The following LRRIQ1 variants were observed in gnomAD, a reference collection of about 807,000 sequenced individuals.
LRRIQ1 encodes the protein leucine-rich repeat- and IQ domain-containing protein 1.
LRRIQ1 carries 210 observed loss-of-function variants against 211.9 expected under a neutral mutation model. The ratio of observed to expected loss-of-function variants is 0.99; its 90% confidence interval spans 0.89 to 1.11. The LOEUF (loss-of-function observed/expected upper bound fraction) is 1.11. Among genes scored for constraint, LRRIQ1 ranks in the 50% most tolerant of loss-of-function variants. The probability of loss-of-function intolerance (pLI) is 0.00; values close to 1 mark genes in which losing one functional copy is unlikely to be tolerated. For synonymous variants in LRRIQ1, 699 were observed against 650.1 expected, an observed-to-expected ratio of 1.08 and a Z score of -1.14; for missense variants, 2,136 against 1,939.5, an observed-to-expected ratio of 1.10 and a Z score of -1.90.
At chr12:85,094,290 C>T (rs1223935618) in intron 11 of LRRIQ1, among the ~76,000 whole-genome samples, 1 of 152,074 alleles carries the variant, frequency 6.6e-6, no homozygotes, top group East Asian at 1.9e-4. Context: ...GCTCAGGGCT[C>T]CCACTGATTC....
At position 85,047,228 on chromosome 12, in the gene LRRIQ1, T is replaced by C; in HGVS notation, c.455-19T>C. 6.5e-7 allele frequency: 1 copy of C among 1,535,202 alleles called. No homozygotes were observed. The highest frequency in any genetic ancestry group is 1.3e-5 in the South Asian group (1 of 79,838). ...TTTGATCTTACAAATGATGATGTTA[T>C]TTTTCTTCATGAGTGCAGATGATGC... On this transcript the variant is annotated intron_variant, in intron 5 of 26. Coordinates refer to ENST00000393217, the MANE Select transcript of LRRIQ1 (RefSeq NM_001079910.2).
At chr12:85,263,441 A>G (rs1355022854) in exon 2 of LRRIQ1, 1 of 152,086 alleles carries the variant, frequency 6.6e-6, no homozygotes, top group African/African-American at 2.4e-5. Flanking sequence ...TAATGTAGCA[A>G]TAATGATTAA....
chr12:85,077,660 AG>A (rs1883805126), intron 11 of LRRIQ1, among the ~76,000 whole-genome samples: 1 of 152,136 alleles, frequency 6.6e-6, no homozygotes, highest in African/African-American at 2.4e-5. Flanking sequence ...TTGTAAAATT[AG>A]GACAGGCATG....
At position 85,202,747 on chromosome 12, in the gene LRRIQ1, C is replaced by T. The variant is rs537084051; in HGVS notation, c.4823-26770C>T. Among the ~76,000 whole-genome samples the T allele has an allele frequency of 5.3e-5, 8 of 152,326 alleles. 1 individual carries two copies. The East Asian group carries it at 1.5e-3, about 29-fold the overall frequency. On this transcript the variant is annotated intron_variant, in intron 24 of 26. Transcript: ENST00000393217. ...TTGCTTCTTTATACAGCTTGCCACT[C>T]TGTGCCATTTGATTGGGGCATTTAG... is the stretch of plus-strand genomic sequence containing the variant.
chr12:85,093,202 AT>A (rs1885563637), intron 11 of LRRIQ1, among the ~76,000 whole-genome samples: 1 of 152,188 alleles, frequency 6.6e-6, no homozygotes, highest in Admixed American at 6.5e-5. Flanking sequence ...GAATAATTAC[AT>A]CTCAGGAGAA....
intron 7 of LRRIQ1, among the ~76,000 whole-genome samples, chr12:85,053,992 A>G (rs544771695): frequency 6.6e-6 from 1 of 152,210 alleles, no homozygotes; most frequent in Non-Finnish European, 1.5e-5. Flanking sequence ...CAGATTTATT[A>G]CCACCCTTAA....
intron 10 of LRRIQ1, among the ~76,000 whole-genome samples, chr12:85,072,151 A>G (rs968968889): frequency 6.6e-6 from 1 of 152,020 alleles, no homozygotes; most frequent in Non-Finnish European, 1.5e-5. Context: ...AACTTGTGAC[A>G]TGTAGATATT....
At chr12:85,230,842 G>T (rs1337107948) in intron 25 of LRRIQ1, among the ~76,000 whole-genome samples, 1 of 151,616 alleles carries the variant, frequency 6.6e-6, no homozygotes, top group South Asian at 2.1e-4. Context: ...GAGGTCAGGA[G>T]ATCGAAACCA....
At chr12:85,214,885 G>A (rs1894004983) in intron 24 of LRRIQ1, among the ~76,000 whole-genome samples, 1 of 152,076 alleles carries the variant, frequency 6.6e-6, no homozygotes, top group South Asian at 2.1e-4. Context: ...ATCGAAAGAT[G>A]TCATAATAGT....
intron 24 of LRRIQ1, among the ~76,000 whole-genome samples, chr12:85,183,567 TA>T: frequency 6.6e-6 from 1 of 152,108 alleles, no homozygotes; most frequent in Middle Eastern, 3.4e-3. Flanking sequence ...TATAAAAATA[TA>T]AAAAGAAAAT....
At chr12:85,158,428 G>A (rs1390189369) in intron 23 of LRRIQ1, among the ~76,000 whole-genome samples, 5 of 151,476 alleles carry the variant, frequency 3.3e-5, no homozygotes, top group African/African-American at 1.2e-4. Context: ...TTTTACACCT[G>A]CAAAAAATGG....
the LRRIQ1 span, among the ~76,000 whole-genome samples, chr12:85,271,829 CT>C: frequency 6.6e-6 from 1 of 152,062 alleles, no homozygotes; most frequent in African/African-American, 2.4e-5. Context: ...ATCATGCTAC[CT>C]TTGCCCAAAA....
intron 26 of LRRIQ1, 126 bp downstream of exon 26, chr12:85,232,882 C>A: frequency 1.5e-6 from 1 of 647,222 alleles, no homozygotes; most frequent in Non-Finnish European, 2.7e-6. Flanking sequence ...GGGATAATAT[C>A]AAAATATCAT....
At chr12:85,140,676 G>T (rs896118947) in intron 19 of LRRIQ1, among the ~76,000 whole-genome samples, 2 of 150,968 alleles carry the variant, frequency 1.3e-5, no homozygotes, top group Non-Finnish European at 3.0e-5. Flanking sequence ...CTTTGTCTCA[G>T]GGTGAAAGCT....
At chr12:85,109,302 G>A (rs1887003754) in intron 15 of LRRIQ1, among the ~76,000 whole-genome samples, 1 of 152,026 alleles carries the variant, frequency 6.6e-6, no homozygotes, top group African/African-American at 2.4e-5. Flanking sequence ...TGGTTAAGAA[G>A]GTAGAAGCAT....
intron 24 of LRRIQ1, among the ~76,000 whole-genome samples, chr12:85,181,359 A>T (rs1565888100): frequency 1.3e-5 from 2 of 151,922 alleles, no homozygotes; most frequent in Non-Finnish European, 2.9e-5. Flanking sequence ...TATATTTTCT[A>T]TAATTCTTGT....
chr12:85,138,532 GTTC>G (rs1220689308), intron 19 of LRRIQ1, among the ~76,000 whole-genome samples: 7 of 151,398 alleles, frequency 4.6e-5, no homozygotes, highest in African/African-American at 1.7e-4. Context: ...GTGATATTGT[GTTC>G]TTCTCAATGT....
chr12:85,144,745 T>G (rs529901507), intron 19 of LRRIQ1, among the ~76,000 whole-genome samples: 1 of 151,778 alleles, frequency 6.6e-6, no homozygotes, highest in African/African-American at 2.4e-5. Context: ...TTATTTCAAG[T>G]GTGATAGAAT....
intron 26 of LRRIQ1, among the ~76,000 whole-genome samples, chr12:85,243,122 T>C (rs982280968): frequency 7.3e-5 from 11 of 150,998 alleles, no homozygotes; most frequent in African/African-American, 2.2e-4. Flanking sequence ...CTTATGTGGT[T>C]CACATGTTTT....
Sources: gnomAD v4.1 joint callset for allele counts (sites outside exome capture counted in the v4.1 genomes callset) on GRCh38, gnomAD v4.1.1 for gene constraint, MANE v1.5 for transcripts, NCBI Gene and HGNC (gene_info 2026-07-23, HGNC 2026-07-21) for gene names.